The following SYT1 variants were observed in gnomAD, a reference collection of about 807,000 sequenced individuals.
SYT1 encodes the protein synaptotagmin 1, also known as synaptotagmin-1.
In SYT1, 8 loss-of-function variants were observed where a neutral mutation model predicts 44.8. That is an observed-to-expected ratio of 0.18 (90% CI 0.10 to 0.32). The LOEUF is 0.32. Ranked by LOEUF, SYT1 falls within the 10% of genes least tolerant of loss-of-function variation. The pLI is 1.00. For missense variants in SYT1, 286 were observed against 509.3 expected (o/e 0.56, Z 4.22); for synonymous variants, 154 against 188.8 (o/e 0.82, Z 1.51).
intron 1 of SYT1, among the ~76,000 whole-genome samples, chr12:78,883,654 G>A (rs1874583166): frequency 6.6e-6 from 1 of 151,586 alleles, no homozygotes; most frequent in African/African-American, 2.4e-5. Context: ...TCTTTAATGG[G>A]ACCAACTAAT....
intron 3 of SYT1, among the ~76,000 whole-genome samples, chr12:79,204,671 C>T (rs1410940976): frequency 6.6e-6 from 1 of 152,050 alleles, no homozygotes; most frequent in Non-Finnish European, 1.5e-5. Flanking sequence ...AAAGCTATGT[C>T]AAATTGATCC....
At chr12:79,017,334 T>C (rs1240061945) in intron 2 of SYT1, among the ~76,000 whole-genome samples, 3 of 152,152 alleles carry the variant, frequency 2.0e-5, no homozygotes, top group Admixed American at 6.6e-5. Flanking sequence ...ATAGTCTTTG[T>C]CTTCAGTGAG....
intron 8 of SYT1, among the ~76,000 whole-genome samples, chr12:79,335,528 T>C (rs546809783): frequency 9.8e-4 from 149 of 152,222 alleles, no homozygotes; most frequent in African/African-American, 3.4e-3. Flanking sequence ...TGGCTCTTGC[T>C]CTTCCGACTA....
intron 3 of SYT1, among the ~76,000 whole-genome samples, chr12:79,120,142 A>T (rs902871011): frequency 1.3e-5 from 2 of 152,232 alleles, no homozygotes; most frequent in Admixed American, 1.3e-4. Flanking sequence ...CTTAGGAAAA[A>T]ATATATATAT....
chr12:79,193,732 A>C (rs1317170393), intron 3 of SYT1, among the ~76,000 whole-genome samples: 1 of 151,986 alleles, frequency 6.6e-6, no homozygotes, highest in Admixed American at 6.6e-5. Context: ...TCTAAGATCC[A>C]TCAAGTCAGC....
chr12:79,229,599 T>G (rs1875740362), intron 4 of SYT1, among the ~76,000 whole-genome samples: 1 of 68,974 alleles, frequency 1.4e-5, no homozygotes, highest in Non-Finnish European at 2.9e-5. Context: ...ATTTTTTATT[T>G]TTTTATTTTT....
chr12:78,901,057 C>A (rs184620584), intron 1 of SYT1, among the ~76,000 whole-genome samples: 308 of 152,110 alleles, frequency 2.0e-3, no homozygotes, highest in Non-Finnish European at 3.0e-3. Context: ...AAACATCACA[C>A]TTTTTAAAAC....
chr12:79,443,419 G>A (rs373642675), intron 9 of SYT1, among the ~76,000 whole-genome samples: 13 of 152,046 alleles, frequency 8.6e-5, no homozygotes, highest in African/African-American at 3.1e-4. Context: ...GAGCACTCTT[G>A]TCAACTTGTA....
chr12:79,332,459 C>T (rs1162132355), intron 8 of SYT1, among the ~76,000 whole-genome samples: 2 of 152,146 alleles, frequency 1.3e-5, no homozygotes, highest in Non-Finnish European at 2.9e-5. Context: ...TAGAGATGAT[C>T]TTGACTTTCT....
At chr12:79,274,028 G>A (rs1241077298) in intron 4 of SYT1, among the ~76,000 whole-genome samples, 1 of 152,212 alleles carries the variant, frequency 6.6e-6, no homozygotes, top group African/African-American at 2.4e-5. Context: ...AGGTTGCAGT[G>A]AGCCGAGATG....
chr12:78,904,731 A>C (rs904345168), intron 1 of SYT1, among the ~76,000 whole-genome samples: 3 of 152,160 alleles, frequency 2.0e-5, no homozygotes, highest in African/African-American at 4.8e-5. Flanking sequence ...AGTCTATACA[A>C]CATAAAAATA....
At chr12:79,295,787 A>G (rs1462623549) in intron 6 of SYT1, among the ~76,000 whole-genome samples, 1 of 152,196 alleles carries the variant, frequency 6.6e-6, no homozygotes, top group East Asian at 1.9e-4. Context: ...ACTCTTTTGC[A>G]AAAATGAACT....
At chr12:79,073,784 C>G (rs1876448874) in intron 3 of SYT1, among the ~76,000 whole-genome samples, 2 of 152,118 alleles carry the variant, frequency 1.3e-5, no homozygotes, top group Admixed American at 6.5e-5. Flanking sequence ...TATCTGCTCA[C>G]CTCTGTCTAC....
chr12:79,179,480 G>GCT (rs1872332733), intron 3 of SYT1, among the ~76,000 whole-genome samples: 1 of 80,256 alleles, frequency 1.2e-5, no homozygotes. Flanking sequence ...TAGATATAGA[G>GCT]ATATAGATAT....
intron 1 of SYT1, among the ~76,000 whole-genome samples, chr12:78,930,245 A>T (rs2137198396): frequency 6.6e-6 from 1 of 152,318 alleles, no homozygotes; most frequent in Non-Finnish European, 1.5e-5. Flanking sequence ...CAATGTATAG[A>T]TGGATGAAAA....
chr12:79,040,198 A>G (rs1339215860), intron 2 of SYT1, among the ~76,000 whole-genome samples: 1 of 151,528 alleles, frequency 6.6e-6, no homozygotes, highest in Non-Finnish European at 1.5e-5. Flanking sequence ...GAATCGCCAC[A>G]CTGACTTCCA....
chr12:79,023,636 A>G (rs1354794926), intron 2 of SYT1, among the ~76,000 whole-genome samples: 1 of 151,868 alleles, frequency 6.6e-6, no homozygotes, highest in Non-Finnish European at 1.5e-5. Flanking sequence ...TATATAACTG[A>G]CAATAATACA....
At chr12:78,925,088 A>G (rs553535632) in intron 1 of SYT1, among the ~76,000 whole-genome samples, 18 of 152,074 alleles carry the variant, frequency 1.2e-4, no homozygotes, top group Admixed American at 3.3e-4. Context: ...ATCTATTTCT[A>G]TTTTTATGCC....
chr12:79,011,597 AG>A (rs35117248), intron 2 of SYT1, among the ~76,000 whole-genome samples: 12,077 of 150,476 alleles, frequency 0.08, 651 homozygotes, highest in East Asian at 0.15. Context: ...CAAATAAACT[AG>A]GGAAGAATTT....
Sources: gnomAD v4.1 joint callset for allele counts (sites outside exome capture counted in the v4.1 genomes callset) on GRCh38, gnomAD v4.1.1 for gene constraint, MANE v1.5 for transcripts, NCBI Gene and HGNC (gene_info 2026-07-23, HGNC 2026-07-21) for gene names.